The following STAU2 variants were observed in gnomAD, a reference collection of about 807,000 sequenced individuals.
STAU2 encodes staufen double-stranded RNA binding protein 2, also known as double-stranded RNA-binding protein Staufen homolog 2.
A neutral mutation model predicts 65.9 loss-of-function variants in STAU2; 20 were observed. The ratio of observed to expected loss-of-function variants is 0.30; its 90% CI spans 0.21 to 0.44. The LOEUF is 0.44. STAU2 is among the 20% of genes least tolerant of loss of function. The pLI is 1.00. For synonymous variants in STAU2, 232 were observed against 233.9 expected (o/e 0.99, Z 0.07); for missense variants, 558 against 683.9 (o/e 0.82, Z 2.05).
chr8:73,461,097 C>T (rs1333562716), intron 13 of STAU2, among the ~76,000 whole-genome samples: 1 of 152,164 alleles, frequency 6.6e-6, no homozygotes, highest in Non-Finnish European at 1.5e-5. Context: ...TAGAGTCAGA[C>T]CAACCTGGCC....
intron 13 of STAU2, among the ~76,000 whole-genome samples, chr8:73,498,599 C>T (rs1388311797): frequency 6.6e-6 from 1 of 151,634 alleles, no homozygotes; most frequent in Non-Finnish European, 1.5e-5. Context: ...ATTTGTGTAA[C>T]TGGCACTATG....
At chr8:73,721,369 G>C (rs541197412) in intron 3 of STAU2, among the ~76,000 whole-genome samples, 1 of 142,214 alleles carries the variant, frequency 7.0e-6, no homozygotes, top group Non-Finnish European at 1.5e-5. Context: ...GGATAAACTT[G>C]TGAACAAATA....
rs927774521 is a variant in STAU2 at position 73,480,803 on chromosome 8, C to T, written c.1531-58101G>A. ...AAGGGAGGCTGAGCAATCTGACTTA[C>T]GCATGAAGAAAATGAAGCAGTTACT... On this transcript the variant is annotated intron_variant, in intron 13 of 14. Coordinates refer to ENST00000524300, the MANE Select transcript of STAU2 (RefSeq NM_001164380.2). Among the ~76,000 whole-genome samples, 18 of 152,120 alleles carry T rather than the reference C, an allele frequency of 1.2e-4. No homozygotes were observed. The East Asian group carries it at 2.7e-3, about 23-fold the overall frequency.
intron 6 of STAU2, among the ~76,000 whole-genome samples, chr8:73,642,227 C>G (rs1815041376): frequency 6.6e-6 from 1 of 152,148 alleles, no homozygotes; most frequent in Admixed American, 6.6e-5. Flanking sequence ...CTCCCCCACT[C>G]AAAAACTTTC....
intron 13 of STAU2, among the ~76,000 whole-genome samples, chr8:73,475,118 G>T (rs1010285888): frequency 6.6e-6 from 1 of 152,156 alleles, no homozygotes; most frequent in South Asian, 2.1e-4. Flanking sequence ...TGGGGAGAGG[G>T]TGTGACTGGA....
chr8:73,731,429 A>G (rs758477783), intron 3 of STAU2, among the ~76,000 whole-genome samples: 6 of 152,180 alleles, frequency 3.9e-5, no homozygotes, highest in Admixed American at 2.6e-4. Context: ...CTTGCACTGC[A>G]GCCAATAAAC....
At chr8:73,501,878 C>T (rs1470310522) in intron 13 of STAU2, among the ~76,000 whole-genome samples, 1 of 151,916 alleles carries the variant, frequency 6.6e-6, no homozygotes, top group Non-Finnish European at 1.5e-5. Context: ...TCTTCTCCAG[C>T]AGCAGCTAAT....
intron 13 of STAU2, among the ~76,000 whole-genome samples, chr8:73,435,539 A>C (rs1444227094): frequency 6.6e-6 from 1 of 151,804 alleles, no homozygotes; most frequent in Admixed American, 6.6e-5. Context: ...CGCCTCTAAC[A>C]CACCCCTCAA....
At chr8:73,661,951 C>T (rs1206555957) in intron 6 of STAU2, among the ~76,000 whole-genome samples, 3 of 152,142 alleles carry the variant, frequency 2.0e-5, no homozygotes, top group Non-Finnish European at 4.4e-5. Context: ...GTAAATACCA[C>T]ATGGAATTGC....
rs571861679 is a variant in STAU2 at position 73,531,844 on chromosome 8, C to T, written c.1530+20168G>A. Reference sequence around the variant, plus strand: ...CTCTTTCTGCTAGAACAAAGCAGTGCGTTTCTACAAACGTGGCCTGAAAAA... The same window carrying T: ...CTCTTTCTGCTAGAACAAAGCAGTGTGTTTCTACAAACGTGGCCTGAAAAA... On this transcript the variant is annotated intron_variant, in intron 13 of 14. Transcript: ENST00000524300. Among the ~76,000 whole-genome samples, 25 of 152,268 alleles carry T rather than the reference C, an allele frequency of 1.6e-4. No homozygotes were observed. In the East Asian group the frequency reaches 4.2e-3, roughly 26 times the overall value.
At chr8:73,442,179 C>G (rs1818199912) in intron 13 of STAU2, among the ~76,000 whole-genome samples, 1 of 151,684 alleles carries the variant, frequency 6.6e-6, no homozygotes, top group African/African-American at 2.4e-5. Context: ...ATGGTGAAAC[C>G]CCTTCTCTAC....
intron 6 of STAU2, among the ~76,000 whole-genome samples, chr8:73,635,820 G>A (rs1013525719): frequency 2.6e-5 from 4 of 151,236 alleles, no homozygotes; most frequent in African/African-American, 7.3e-5. Flanking sequence ...GTAAGGCTCC[G>A]TCTAAATAAA....
At chr8:73,609,883 A>T (rs146895995) in intron 9 of STAU2, among the ~76,000 whole-genome samples, 15 of 152,338 alleles carry the variant, frequency 9.8e-5, no homozygotes, top group African/African-American at 3.6e-4. Context: ...GACTCAAAGA[A>T]TGTCTCTGAG....
intron 12 of STAU2, among the ~76,000 whole-genome samples, chr8:73,576,460 G>A (rs1191495706): frequency 6.6e-6 from 1 of 151,996 alleles, no homozygotes; most frequent in East Asian, 1.9e-4. Context: ...TTTATTTGAT[G>A]AAATTATGAG....
chr8:73,557,545 T>C (rs921841043), intron 12 of STAU2, among the ~76,000 whole-genome samples: 2 of 152,244 alleles, frequency 1.3e-5, no homozygotes, highest in South Asian at 2.1e-4. Context: ...CCCCAGTTCA[T>C]ACTTCTATTA....
chr8:73,468,425 C>T (rs1310383121), intron 13 of STAU2, among the ~76,000 whole-genome samples: 3 of 152,122 alleles, frequency 2.0e-5, no homozygotes, highest in South Asian at 2.1e-4. Context: ...ACACCAAAAG[C>T]GATGGCAACA....
At chr8:73,732,555 T>C (rs1455337588) in intron 3 of STAU2, 2 of 152,218 alleles carry the variant, frequency 1.3e-5, no homozygotes, top group Non-Finnish European at 2.9e-5. Flanking sequence ...AACCTCCTTA[T>C]GTTTACTATT....
At chr8:73,457,225 AAAG>A (rs1345440726) in intron 13 of STAU2, among the ~76,000 whole-genome samples, 3 of 61,116 alleles carry the variant, frequency 4.9e-5, no homozygotes, top group Non-Finnish European at 8.7e-5. Flanking sequence ...AAACACACAG[AAAG>A]AAATTTCAAC....
chr8:73,601,978 G>A (rs9298231), intron 10 of STAU2, among the ~76,000 whole-genome samples: 46,464 of 151,990 alleles, frequency 0.31, 8,486 homozygotes, highest in African/African-American at 0.52. Flanking sequence ...TGAAAATAAT[G>A]AAACAATCAT....
Sources: gnomAD v4.1 joint callset for allele counts (sites outside exome capture counted in the v4.1 genomes callset) on GRCh38, gnomAD v4.1.1 for gene constraint, MANE v1.5 for transcripts, NCBI Gene and HGNC (gene_info 2026-07-23, HGNC 2026-07-21) for gene names.